Variants in DPP6 observed in about 807,000 individuals in gnomAD.
DPP6 encodes the protein dipeptidyl peptidase like 6.
In DPP6, 69 loss-of-function variants were observed where a neutral mutation model predicts 122.6. That is an observed-to-expected ratio of 0.56 (90% CI 0.46 to 0.69). The LOEUF (loss-of-function observed/expected upper bound fraction) is 0.69. Among genes scored for constraint, DPP6 ranks in the 30% least tolerant of loss-of-function variants. DPP6 has a pLI of 0.00. For missense variants in DPP6, 928 were observed against 1,116.9 expected (o/e 0.83, Z 2.41); for synonymous variants, 418 against 433.1 (o/e 0.97, Z 0.43).
At chr7:153,788,349 C>T in the DPP6 span, among the ~76,000 whole-genome samples, 5 of 151,186 alleles carry the variant, frequency 3.3e-5, no homozygotes, top group South Asian at 1.1e-3. Context: ...AAAATTAAGT[C>T]GTCTGTAGAC....
At chr7:153,930,859 A>G (rs760618367) in intron 1 of DPP6, among the ~76,000 whole-genome samples, 2 of 152,132 alleles carry the variant, frequency 1.3e-5, no homozygotes, top group Non-Finnish European at 2.9e-5. Context: ...AACTGGAGGG[A>G]CTGGGTTTGG....
chr7:154,227,505 GT>G (rs1800683027), intron 1 of DPP6, among the ~76,000 whole-genome samples: 1 of 152,156 alleles, frequency 6.6e-6, no homozygotes. Flanking sequence ...TGTGAATATA[GT>G]TAACAGTATT....
chr7:154,053,020 C>G lies in DPP6; in HGVS notation c.200C>G (p.Pro67Arg). The G allele has an allele frequency of 9.4e-7, 1 of 1,059,840 alleles. No individual in the cohort carries two copies. The highest frequency in any genetic ancestry group is 1.1e-6 in the Non-Finnish European group (1 of 877,540). 65.7% of individuals were successfully genotyped at this position (1,059,840 alleles called of 1,614,324 possible). Residue 67 changes from proline (P) to arginine (R), a missense_variant, in exon 1 of 26, where the codon CCC becomes CGC. Coordinates refer to ENST00000377770, the MANE Select transcript of DPP6 (RefSeq NM_130797.4). ...GGCGGCGGCGGCGCGGGTGGCCGGC[C>G]CCGGTTCCAGTACCAGGCGCGGAGC... Reference protein sequence around the residue: ...GGGGGGAGGRPRFQYQARSDG... With the variant: ...GGGGGGAGGRRRFQYQARSDG...
At chr7:154,503,010 A>G (rs1825377330) in intron 3 of DPP6, among the ~76,000 whole-genome samples, 1 of 152,210 alleles carries the variant, frequency 6.6e-6, no homozygotes, top group Admixed American at 6.6e-5. Context: ...TATCTGGTCA[A>G]CAGCAGAATA....
intron 1 of DPP6, among the ~76,000 whole-genome samples, chr7:154,123,605 C>G (rs2150612190): frequency 6.6e-6 from 1 of 152,308 alleles, no homozygotes; most frequent in Admixed American, 6.5e-5. Flanking sequence ...TGCTCCTTCA[C>G]CCCTGGGTGG....
intron 1 of DPP6, among the ~76,000 whole-genome samples, chr7:154,264,017 G>T (rs947199664): frequency 7.2e-5 from 11 of 152,136 alleles, no homozygotes; most frequent in Non-Finnish European, 8.8e-5. Context: ...TTGGAGGTCT[G>T]TGGGAACTGG....
At chr7:153,891,783 C>G (rs1043199824) in intron 1 of DPP6, among the ~76,000 whole-genome samples, 3 of 152,130 alleles carry the variant, frequency 2.0e-5, no homozygotes, top group African/African-American at 7.2e-5. Flanking sequence ...TTGGCGTCTC[C>G]CCCTTCCTTG....
chr7:154,629,752 A>G (rs979828945), intron 5 of DPP6, among the ~76,000 whole-genome samples: 2 of 152,200 alleles, frequency 1.3e-5, no homozygotes, highest in Non-Finnish European at 2.9e-5. Context: ...TATGCTATCC[A>G]TGCTGGGGAG....
exon 1 of DPP6, chr7:153,887,170 C>G (rs943142670): frequency 6.6e-6 from 1 of 152,600 alleles, no homozygotes; most frequent in East Asian, 1.9e-4. Context: ...CCGGCCGGGT[C>G]CCTGCCCTTA....
chr7:154,539,152 G>A (rs753067138), intron 3 of DPP6, among the ~76,000 whole-genome samples: 31 of 152,128 alleles, frequency 2.0e-4, no homozygotes, highest in Middle Eastern at 3.2e-3. Context: ...CTGGCTCAAG[G>A]TTACTGCCTT....
Position 154,426,527 on chromosome 7 carries a change from G to C in DPP6, c.244-19687G>C, listed in dbSNP as rs1211485055. 2.0e-5 allele frequency among the ~76,000 whole-genome samples: 3 copies of C among 152,130 alleles called. No individual in the cohort carries two copies. In the East Asian group the frequency reaches 5.8e-4, roughly 29 times the overall value. On this transcript the variant is annotated intron_variant, in intron 1 of 25. Transcript: ENST00000377770. ...AAATCCTGTATTGGTCTTCTTCCTT[G>C]TTGACCGTAGTGCTTTCAGTGGGGT...
At chr7:153,991,238 T>C (rs1797164499) in intron 1 of DPP6, among the ~76,000 whole-genome samples, 1 of 152,076 alleles carries the variant, frequency 6.6e-6, no homozygotes, top group Non-Finnish European at 1.5e-5. Context: ...GACTCTGGCC[T>C]GCCTCTCTCA....
chr7:154,814,925 C>T (rs1197766951), intron 16 of DPP6, among the ~76,000 whole-genome samples: 1 of 152,150 alleles, frequency 6.6e-6, no homozygotes, highest in African/African-American at 2.4e-5. Context: ...CCTAATCCAG[C>T]GTAGCTTCAT....
At chr7:154,839,801 T>C (rs902853553) in intron 16 of DPP6, among the ~76,000 whole-genome samples, 3 of 152,168 alleles carry the variant, frequency 2.0e-5, no homozygotes, top group Non-Finnish European at 4.4e-5. Context: ...GGCCACAGTG[T>C]GTGATAGGTC....
chr7:154,188,738 A>C (rs1798473264), intron 1 of DPP6, among the ~76,000 whole-genome samples: 1 of 152,232 alleles, frequency 6.6e-6, no homozygotes, highest in African/African-American at 2.4e-5. Context: ...TGGTATTGCG[A>C]AGTGTTTACA....
chr7:154,085,015 G>GAAAAAA (rs1804304121), intron 1 of DPP6, among the ~76,000 whole-genome samples: 1 of 132,242 alleles, frequency 7.6e-6, no homozygotes, highest in Non-Finnish European at 1.6e-5. Flanking sequence ...AAAAAAACAG[G>GAAAAAA]TGCCTTTATA....
chr7:154,853,136 C>G (rs915517908), intron 16 of DPP6, among the ~76,000 whole-genome samples: 1 of 152,160 alleles, frequency 6.6e-6, no homozygotes, highest in African/African-American at 2.4e-5. Context: ...TCTGGACTCT[C>G]CTTTTGCTAA....
chr7:154,878,513 G>A (rs1180044003), intron 20 of DPP6, among the ~76,000 whole-genome samples: 3 of 152,208 alleles, frequency 2.0e-5, no homozygotes, highest in Admixed American at 2.0e-4. Flanking sequence ...CTAGGAACGA[G>A]GTCTGCATTT....
intron 1 of DPP6, among the ~76,000 whole-genome samples, chr7:154,206,264 G>A (rs7803312): frequency 0.044 from 6,640 of 152,146 alleles, 499 homozygotes; most frequent in African/African-American, 0.15. Context: ...GATCTTTGCC[G>A]GTCCTCGGCC....
Sources: allele counts gnomAD v4.1 joint callset (sites outside exome capture counted in the v4.1 genomes callset), GRCh38; gene constraint gnomAD v4.1.1; transcripts MANE v1.5; gene names NCBI Gene and HGNC (gene_info 2026-07-23, HGNC 2026-07-21).